Variants in JARID2 observed in about 807,000 individuals in gnomAD.
JARID2 encodes jumonji and AT-rich interaction domain containing 2.
Under a neutral mutation model 125.6 loss-of-function variants are expected in JARID2, and 21 were observed. The ratio of observed to expected loss-of-function variants is 0.17; its 90% CI spans 0.12 to 0.24. The LOEUF is 0.24. Ranked by LOEUF, JARID2 falls within the 10% of genes least tolerant of loss-of-function variation. The pLI, the probability that JARID2 is intolerant of heterozygous loss-of-function variation, is 1.00. For missense variants in JARID2, 1,303 were observed against 1,639.6 expected (o/e 0.79, Z 3.55); for synonymous variants, 736 against 661.6 (o/e 1.11, Z -1.73).
Position 15,513,364 on chromosome 6 carries a change from A to G in JARID2, c.3392A>G (p.Gln1131Arg). The G allele has an allele frequency of 6.2e-7, 1 of 1,613,418 alleles. No individual in the cohort carries two copies. Among genetic ancestry groups the G allele is most frequent in the Non-Finnish European group, 8.5e-7 (1 of 1,179,808 alleles). The change falls in exon 16 of 18, where the codon CAG becomes CGG. Residue 1131 changes from glutamine to arginine, a missense_variant. Physicochemically the swap from Gln to Arg is conservative, Grantham distance 43 (BLOSUM62 1). Transcript: ENST00000341776. ...AAGAAAAAGCCTCGAAAGTGGCTGC[A>G]GTTGGAGACGTCAGAGAGGAGGTGT... ...DGKKKPRKWL[Q>R]LETSERRCQI...
chr6:15,419,223 T>A (rs191433687), intron 3 of JARID2, among the ~76,000 whole-genome samples: 20 of 152,350 alleles, frequency 1.3e-4, no homozygotes, highest in African/African-American at 4.6e-4. Flanking sequence ...GTTTATTTTG[T>A]TCTTACAACC....
At chr6:15,507,699 A>T (rs921491841) in intron 11 of JARID2, among the ~76,000 whole-genome samples, 4 of 152,224 alleles carry the variant, frequency 2.6e-5, no homozygotes, top group African/African-American at 9.6e-5. Context: ...TCAAAGCTGA[A>T]GTCACAATTC....
intron 1 of JARID2, chr6:15,324,256 TC>T (rs372985058): frequency 2.0e-3 from 307 of 152,102 alleles, no homozygotes; most frequent in African/African-American, 7.0e-3. Flanking sequence ...TTATCATTCA[TC>T]CTTTTTGTGT....
chr6:15,497,190 CAG>C lies in JARID2; in HGVS notation c.1945+21_1945+22del, dbSNP rs761339145. On this transcript the variant is annotated intron_variant, in intron 7 of 17. Coordinates refer to ENST00000341776, the MANE Select transcript of JARID2 (RefSeq NM_004973.4). ...TCATAGGTAGGTCTGGGCGGGGGGT[CAG>C]GGGGTGGTGCCTGCCCTCCTGCCCC... 0.01 allele frequency: 15,347 copies of C among 1,518,294 alleles called. 98 individuals carry two copies. The highest frequency in any genetic ancestry group is 0.012 in the Non-Finnish European group (13,075 of 1,125,920). 94.1% of individuals were successfully genotyped at this position (1,518,294 alleles called of 1,614,324 possible). A position where few individuals can be genotyped will look rare whatever the true frequency, so the allele number is the denominator to read the frequency against.
intron 1 of JARID2, among the ~76,000 whole-genome samples, chr6:15,317,235 A>T (rs1322560059): frequency 6.6e-6 from 1 of 152,206 alleles, no homozygotes; most frequent in African/African-American, 2.4e-5. Context: ...TCTGAGGACC[A>T]GTTGAAAAAT....
chr6:15,379,168 ATTTTT>A (rs201864235), intron 2 of JARID2, among the ~76,000 whole-genome samples: 2 of 147,020 alleles, frequency 1.4e-5, no homozygotes, highest in Non-Finnish European at 3.0e-5. Context: ...CAAGGAATGA[ATTTTT>A]TTTTTTTTGG....
chr6:15,419,670 T>G (rs1463714353), intron 3 of JARID2, among the ~76,000 whole-genome samples: 1 of 152,252 alleles, frequency 6.6e-6, no homozygotes, highest in African/African-American at 2.4e-5. Context: ...AATTTTAGGT[T>G]AATAGTCATT....
chr6:15,384,844 A>C (rs1764725206), intron 2 of JARID2, among the ~76,000 whole-genome samples: 1 of 152,126 alleles, frequency 6.6e-6, no homozygotes, highest in African/African-American at 2.4e-5. Flanking sequence ...GAGTGTTAGA[A>C]TTACAGGTGT....
chr6:15,406,391 G>A (rs913759362), intron 2 of JARID2, among the ~76,000 whole-genome samples: 1 of 152,210 alleles, frequency 6.6e-6, no homozygotes, highest in African/African-American at 2.4e-5. Flanking sequence ...CCAAGATTGT[G>A]CCACTGCGCT....
intron 4 of JARID2, among the ~76,000 whole-genome samples, chr6:15,456,283 G>A (rs1009714515): frequency 6.6e-6 from 1 of 152,294 alleles, no homozygotes; most frequent in African/African-American, 2.4e-5. Context: ...TACCAAGTAA[G>A]TACCTGGCTT....
At chr6:15,468,482 CT>C in intron 4 of JARID2, 59 bp from the exon 5 acceptor site, 2 of 1,434,422 alleles carry the variant, frequency 1.4e-6, no homozygotes, top group South Asian at 2.8e-5. Context: ...TGTGGTGTTC[CT>C]TCTGGAAAGG....
chr6:15,359,618 G>T (rs1416242241), intron 1 of JARID2, among the ~76,000 whole-genome samples: 1 of 151,960 alleles, frequency 6.6e-6, no homozygotes. Flanking sequence ...GGGTAGCGGT[G>T]GGGGGTGTGT....
At chr6:15,355,714 C>G (rs1039791831) in intron 1 of JARID2, among the ~76,000 whole-genome samples, 16 of 151,974 alleles carry the variant, frequency 1.1e-4, no homozygotes, top group African/African-American at 2.9e-4. Context: ...TAGGCTGAAA[C>G]GATTCTCGTG....
At chr6:15,396,222 T>G (rs188064602) in intron 2 of JARID2, among the ~76,000 whole-genome samples, 1 of 152,346 alleles carries the variant, frequency 6.6e-6, no homozygotes, top group Non-Finnish European at 1.5e-5. Context: ...CAATATATAT[T>G]GAACCAAAAT....
At chr6:15,401,908 T>G (rs967633424) in intron 2 of JARID2, among the ~76,000 whole-genome samples, 1 of 151,558 alleles carries the variant, frequency 6.6e-6, no homozygotes, top group African/African-American at 2.4e-5. Flanking sequence ...GTTTTTTTTT[T>G]TTTTTTTTTT....
intron 1 of JARID2, among the ~76,000 whole-genome samples, chr6:15,260,094 A>G (rs1436545688): frequency 2.0e-5 from 3 of 152,230 alleles, no homozygotes; most frequent in Non-Finnish European, 2.9e-5. Flanking sequence ...AGAATTTTAA[A>G]GATGCATGAA....
At chr6:15,369,191 C>T in intron 1 of JARID2, 3 of 297,400 alleles carry the variant, frequency 1.0e-5, no homozygotes, top group African/African-American at 2.2e-5. Context: ...TCCTTTTTGT[C>T]TTTTAGTAAA....
chr6:15,271,262 A>C (rs763966934), intron 1 of JARID2, among the ~76,000 whole-genome samples: 2 of 152,158 alleles, frequency 1.3e-5, no homozygotes, highest in Non-Finnish European at 2.9e-5. Flanking sequence ...AGTGGGTTCT[A>C]ATCACACAAG....
chr6:15,410,402 C>G, intron 3 of JARID2, 37 bp downstream of exon 3: 1 of 1,598,298 alleles, frequency 6.3e-7, no homozygotes, highest in Non-Finnish European at 8.6e-7. Flanking sequence ...GTACCTTCAA[C>G]CAGGGACTGC....
Sources: gnomAD v4.1 joint callset for allele counts (sites outside exome capture counted in the v4.1 genomes callset) on GRCh38, gnomAD v4.1.1 for gene constraint, MANE v1.5 for transcripts, NCBI Gene and HGNC (gene_info 2026-07-23, HGNC 2026-07-21) for gene names.